The following DOCK2 variants were observed in gnomAD, a reference collection of about 807,000 sequenced individuals.
DOCK2 encodes dedicator of cytokinesis protein 2.
A neutral mutation model predicts 248.9 loss-of-function variants in DOCK2; 87 were observed. That is an observed-to-expected ratio of 0.35 (90% CI 0.29 to 0.42). The LOEUF is 0.42. DOCK2 is among the 10% of genes least tolerant of loss of function. The pLI, the probability that DOCK2 is intolerant of heterozygous loss-of-function variation, is 1.00. For synonymous variants in DOCK2, 805 were observed against 821.6 expected (o/e 0.98, Z 0.35); for missense variants, 1,747 against 2,300.2 (o/e 0.76, Z 4.92).
intron 27 of DOCK2, among the ~76,000 whole-genome samples, chr5:169,921,082 A>G (rs891127557): frequency 1.3e-5 from 2 of 152,202 alleles, no homozygotes; most frequent in African/African-American, 4.8e-5. Context: ...AAGAGTCTCA[A>G]TCCCAGTGTT....
intron 27 of DOCK2, among the ~76,000 whole-genome samples, chr5:169,928,772 A>G (rs1163168146): frequency 6.6e-6 from 1 of 152,246 alleles, no homozygotes; most frequent in Non-Finnish European, 1.5e-5. Context: ...GGAAGAAAAT[A>G]GCAACCACAG....
intron 26 of DOCK2, among the ~76,000 whole-genome samples, chr5:169,820,425 C>G (rs1561732124): frequency 6.6e-6 from 1 of 152,214 alleles, no homozygotes. Context: ...GACAAAACTT[C>G]CAGAGGAACG....
chr5:169,945,435 T>C (rs188852991), intron 27 of DOCK2, among the ~76,000 whole-genome samples: 2 of 152,366 alleles, frequency 1.3e-5, no homozygotes, highest in East Asian at 3.9e-4. Context: ...TCAACAGAAA[T>C]GCTAACAAGT....
At chr5:169,944,188 T>A (rs1286796468) in intron 27 of DOCK2, among the ~76,000 whole-genome samples, 1 of 152,182 alleles carries the variant, frequency 6.6e-6, no homozygotes, top group African/African-American at 2.4e-5. Context: ...CCAAAGGCCC[T>A]GCCTTTGAGT....
chr5:169,796,663 C>T (rs1413894539), intron 25 of DOCK2, among the ~76,000 whole-genome samples: 1 of 152,114 alleles, frequency 6.6e-6, no homozygotes, highest in Non-Finnish European at 1.5e-5. Context: ...ATTCTGGGTG[C>T]TATAGGAATG....
intron 27 of DOCK2, among the ~76,000 whole-genome samples, chr5:169,958,149 TCAA>T (rs1357913750): frequency 1.4e-4 from 22 of 152,116 alleles, no homozygotes; most frequent in Non-Finnish European, 2.9e-4. Context: ...ACAGTCTTTG[TCAA>T]CTTGATTATC....
At chr5:169,724,571 T>C (rs538747376) in intron 22 of DOCK2, among the ~76,000 whole-genome samples, 1 of 151,404 alleles carries the variant, frequency 6.6e-6, no homozygotes, top group South Asian at 2.1e-4. Flanking sequence ...ACAGTTCCAC[T>C]GGCCTGCACT....
intron 22 of DOCK2, among the ~76,000 whole-genome samples, chr5:169,737,790 G>C (rs565899493): frequency 6.6e-6 from 1 of 152,172 alleles, no homozygotes; most frequent in East Asian, 1.9e-4. Context: ...TGGAAGCTCC[G>C]CATACCTTCC....
chr5:169,707,000 G>A (rs566444121), intron 14 of DOCK2, among the ~76,000 whole-genome samples: 7 of 152,300 alleles, frequency 4.6e-5, no homozygotes, highest in South Asian at 2.1e-4. Context: ...GGCATGACTC[G>A]CTCACCATCA....
chr5:169,998,361 A>G (rs1754720715), intron 30 of DOCK2, among the ~76,000 whole-genome samples: 1 of 152,234 alleles, frequency 6.6e-6, no homozygotes, highest in African/African-American at 2.4e-5. Context: ...GCACCAGCCT[A>G]TGAGTAGATG....
At chr5:169,780,339 G>T (rs937249544) in intron 25 of DOCK2, among the ~76,000 whole-genome samples, 3 of 141,352 alleles carry the variant, frequency 2.1e-5, no homozygotes, top group African/African-American at 7.9e-5. Flanking sequence ...GTGTGTGTGT[G>T]TTGAATCGTT....
intron 26 of DOCK2, 106 bp from the exon 27 acceptor site, chr5:169,840,651 T>C: frequency 1.2e-6 from 1 of 829,990 alleles, no homozygotes; most frequent in East Asian, 2.7e-5. Flanking sequence ...GTGTTGGTGA[T>C]GGTGTTGAAG....
At chr5:169,801,140 T>C (rs1766952917) in intron 25 of DOCK2, among the ~76,000 whole-genome samples, 1 of 89,954 alleles carries the variant, frequency 1.1e-5, no homozygotes, top group African/African-American at 4.1e-5. Flanking sequence ...GCCCAGATAG[T>C]TTTGGGTTTT....
chr5:169,818,321 T>A (rs1421330236), intron 26 of DOCK2, among the ~76,000 whole-genome samples: 1 of 152,220 alleles, frequency 6.6e-6, no homozygotes, highest in Non-Finnish European at 1.5e-5. Context: ...TCTTGTTCAC[T>A]GCCATATCCT....
At chr5:170,062,021 A>G (rs1052580286) in intron 44 of DOCK2, among the ~76,000 whole-genome samples, 11 of 151,942 alleles carry the variant, frequency 7.2e-5, no homozygotes, top group Non-Finnish European at 1.3e-4. Flanking sequence ...ATGCATGTGC[A>G]GTTGTAGGGT....
intron 29 of DOCK2, among the ~76,000 whole-genome samples, chr5:169,995,088 T>G (rs1423727528): frequency 2.6e-5 from 4 of 151,148 alleles, no homozygotes; most frequent in African/African-American, 9.7e-5. Flanking sequence ...GAGTGCAGTG[T>G]CATGATCTCA....
rs779850196 is a variant in DOCK2, at chr5:170,008,538, C to T, written c.3114C>T (p.Thr1038=). ...TTCATCTGGCAGTGGCTTTTATCAC[C>T]CAGGATTCTCTGCAGCTGGAGCAGT... ...NYFHLAVAFI[T]QDSLQLEQFS... is the part of the protein sequence containing the mutation. Residue 1038 remains threonine (T), a synonymous_variant, in exon 31 of 52, where the codon ACC becomes ACT. Transcript: ENST00000520908. 27 of 1,614,054 alleles carry T rather than the reference C, an allele frequency of 1.7e-5. No individual in the cohort carries two copies. The highest frequency in any genetic ancestry group is 3.3e-5 in the Admixed American group (2 of 60,012).
At chr5:169,638,169 C>T (rs1026237019) in intron 1 of DOCK2, among the ~76,000 whole-genome samples, 8 of 152,134 alleles carry the variant, frequency 5.3e-5, no homozygotes, top group Non-Finnish European at 1.0e-4. Flanking sequence ...CCTACACAGG[C>T]GGATACCAGA....
intron 27 of DOCK2, among the ~76,000 whole-genome samples, chr5:169,849,712 G>A (rs1000745653): frequency 4.6e-5 from 7 of 152,226 alleles, no homozygotes; most frequent in Admixed American, 2.0e-4. Context: ...TAACAGAAGA[G>A]GACAAGGCTG....
Sources: gnomAD v4.1 joint callset for allele counts (sites outside exome capture counted in the v4.1 genomes callset) on GRCh38, gnomAD v4.1.1 for gene constraint, MANE v1.5 for transcripts, NCBI Gene and HGNC (gene_info 2026-07-23, HGNC 2026-07-21) for gene names.